The following TAF1 variants were observed in gnomAD, a reference collection of about 807,000 sequenced individuals.
TAF1 encodes the protein transcription initiation factor TFIID subunit 1.
A neutral mutation model predicts 138.5 loss-of-function variants in TAF1; 2 were observed. That is an observed-to-expected ratio of 0.01 (90% CI 0.01 to 0.05). The LOEUF is 0.05. TAF1 is among the 10% of genes least tolerant of loss of function. The pLI, the probability that TAF1 is intolerant of heterozygous loss-of-function variation, is 1.00. For missense variants in TAF1, 709 were observed against 1,478.0 expected (o/e 0.48, Z 8.53); for synonymous variants, 437 against 503.2 (o/e 0.87, Z 1.76).
intron 13 of TAF1, among the ~76,000 whole-genome samples, chrX:71,513,380 G>A (rs944765112): frequency 8.1e-5 from 9 of 111,700 alleles, no homozygotes; most frequent in Non-Finnish European, 1.5e-4. Flanking sequence ...GCTTGTAGTC[G>A]TTCCACTGAG....
chrX:71,462,280 T>C (rs1407091263), intron 37 of TAF1, among the ~76,000 whole-genome samples: 1 of 110,893 alleles, frequency 9.0e-6, no homozygotes, highest in Admixed American at 9.6e-5. Context: ...ATATATCATA[T>C]GAAAAAATAA....
intron 1 of TAF1, among the ~76,000 whole-genome samples, chrX:71,367,225 C>A (rs988036220): frequency 5.4e-5 from 6 of 111,428 alleles, no homozygotes; most frequent in African/African-American, 2.0e-4. Flanking sequence ...TCCATTCATT[C>A]AGTCTTGGCA....
chrX:71,438,961 A>G (rs1445253948), intron 32 of TAF1, among the ~76,000 whole-genome samples: 1 of 110,846 alleles, frequency 9.0e-6, no homozygotes, highest in Non-Finnish European at 1.9e-5. Flanking sequence ...ACAGAGCAAG[A>G]CTCCAAAAAT....
At position 71,394,154 on chromosome X, in the gene TAF1, T is replaced by C; in HGVS notation, c.3315T>C (p.Ile1105=). ...DSDFEEMGKN[I]ENMLQNKKTS... The stretch of plus-strand genomic sequence containing the variant: ...ACTTTGAAGAAATGGGAAAGAACAT[T>C]GAGAACATGTTGCAGAACAAGAAAA... The change falls in exon 22 of 38, where the codon ATT becomes ATC. Residue 1105 remains isoleucine (I), a synonymous_variant. Transcript: ENST00000423759. 1 of 1,211,947 alleles carries C rather than the reference T, an allele frequency of 8.3e-7. No individual in the cohort carries two copies. Among genetic ancestry groups the C allele is most frequent in the Non-Finnish European group, 1.1e-6 (1 of 895,580 alleles).
chrX:71,381,152 C>T (rs1484878626), intron 8 of TAF1, among the ~76,000 whole-genome samples: 1 of 112,735 alleles, frequency 8.9e-6, no homozygotes, highest in Non-Finnish European at 1.9e-5. Flanking sequence ...GCATACTTTA[C>T]CATATCATTT....
rs28382207 is a variant in TAF1, at chrX:71,458,448, T to C, written c.5064+82T>C. ...GGGAATGGTGATGGTGATGGTGATA[T>C]GTGACATATGTCAAGAATGACTGGG... On this transcript the variant is annotated intron_variant, in intron 35 of 37. Coordinates refer to ENST00000423759, the MANE Select transcript of TAF1 (RefSeq NM_004606.5). 11,491 of 1,107,372 alleles carry C rather than the reference T, an allele frequency of 0.01. 220 individuals are homozygous for C. The highest frequency in any genetic ancestry group is 0.1 in the African/African-American group (5,449 of 54,723). 91.3% of individuals were successfully genotyped at this position (1,107,372 alleles called of 1,213,427 possible). A position where few individuals can be genotyped will look rare whatever the true frequency, so the allele number is the denominator to read the frequency against.
intron 15 of TAF1, 81 bp from the exon 16 acceptor site, chrX:71,388,156 G>C: frequency 1.7e-6 from 2 of 1,145,415 alleles, no homozygotes; most frequent in South Asian, 4.1e-5. Flanking sequence ...AAATACATTA[G>C]AGCTTAGCAA....
intron 13 of TAF1, among the ~76,000 whole-genome samples, chrX:71,487,249 T>C (rs1281248381): frequency 4.6e-5 from 5 of 109,279 alleles, no homozygotes; most frequent in African/African-American, 1.7e-4. Context: ...TCTATTATTA[T>C]GCCTTCAAGT....
chrX:71,506,328 C>A (rs1173716850), intron 13 of TAF1, among the ~76,000 whole-genome samples: 2 of 104,240 alleles, frequency 1.9e-5, no homozygotes, highest in Non-Finnish European at 3.9e-5. Flanking sequence ...GAGTTTGAGG[C>A]TACAATGTTA....
At chrX:71,503,328 GTATATATATATATATGTGTATA>G (rs1287461177) in intron 13 of TAF1, among the ~76,000 whole-genome samples, 1 of 88,814 alleles carries the variant, frequency 1.1e-5, no homozygotes, top group Non-Finnish European at 2.1e-5. Flanking sequence ...ATATGTGTGT[GTATATATATATATATGTGTATA>G]TATATATATA....
At chrX:71,435,051 T>C (rs1164767055) in intron 32 of TAF1, among the ~76,000 whole-genome samples, 4 of 112,442 alleles carry the variant, frequency 3.6e-5, no homozygotes, top group Admixed American at 9.4e-5. Flanking sequence ...GAGCTAGTCA[T>C]GATGAGATTC....
chrX:71,460,997 A>G (rs1254701832), intron 37 of TAF1, 194 bp downstream of exon 37: 19 of 484,892 alleles, frequency 3.9e-5, no homozygotes, highest in Non-Finnish European at 6.2e-5. Flanking sequence ...AGCCTAGTGG[A>G]AAAGACTGAC....
At chrX:71,405,833 C>A (rs1369529155) in intron 25 of TAF1, among the ~76,000 whole-genome samples, 1 of 109,631 alleles carries the variant, frequency 9.1e-6, no homozygotes, top group Admixed American at 9.8e-5. Flanking sequence ...ATAGTGAGAC[C>A]CTGTCTCTAT....
At chrX:71,502,409 G>C (rs1204876491) in intron 13 of TAF1, among the ~76,000 whole-genome samples, 1 of 111,324 alleles carries the variant, frequency 9.0e-6, no homozygotes, top group Non-Finnish European at 1.9e-5. Flanking sequence ...GTGCTGATTG[G>C]TGCACTTTAC....
chrX:71,451,605 T>TAGG (rs1415745350), intron 32 of TAF1, among the ~76,000 whole-genome samples: 1 of 110,052 alleles, frequency 9.1e-6, no homozygotes, highest in Non-Finnish European at 1.9e-5. Flanking sequence ...CTGGTTTTCC[T>TAGG]AGGCAGAGGA....
intron 1 of TAF1, 81 bp from the exon 2 acceptor site, chrX:71,367,418 C>A: frequency 1.8e-6 from 2 of 1,094,364 alleles, no homozygotes; most frequent in Non-Finnish European, 2.5e-6. Context: ...GTGACTTTGT[C>A]GTGGACCAGG....
At chrX:71,398,266 A>AG (rs1411740380) in intron 23 of TAF1, among the ~76,000 whole-genome samples, 1 of 109,424 alleles carries the variant, frequency 9.1e-6, no homozygotes, top group African/African-American at 3.3e-5. Context: ...TGAACCTGGG[A>AG]GGCAGAGGCT....
intron 6 of TAF1, 90 bp downstream of exon 6, chrX:71,377,911 A>G: frequency 7.2e-6 from 7 of 965,738 alleles, no homozygotes; most frequent in Non-Finnish European, 9.7e-6. Flanking sequence ...AATTGTAAAT[A>G]ATACCATAGC....
chrX:71,480,723 G>T (rs746008813), intron 13 of TAF1, among the ~76,000 whole-genome samples: 27 of 111,658 alleles, frequency 2.4e-4, no homozygotes, highest in African/African-American at 8.5e-4. Context: ...GGTATAAAGA[G>T]AATGTGTATG....
Sources: gnomAD v4.1 joint callset for allele counts (sites outside exome capture counted in the v4.1 genomes callset) on GRCh38, gnomAD v4.1.1 for gene constraint, MANE v1.5 for transcripts, NCBI Gene and HGNC (gene_info 2026-07-23, HGNC 2026-07-21) for gene names.